CCDC90B: variants seen among roughly 807,000 people sequenced by gnomAD.
The protein encoded by CCDC90B is coiled-coil domain-containing protein 90B, mitochondrial.
A neutral mutation model predicts 37.0 loss-of-function variants in CCDC90B; 24 were observed. That is an observed-to-expected ratio of 0.65 (90% CI 0.47 to 0.91). The LOEUF is 0.91. CCDC90B is among the 40% of genes least tolerant of loss of function. The pLI is 0.00. For synonymous variants in CCDC90B, 113 were observed against 101.1 expected, an observed-to-expected ratio of 1.12 and a Z score of -0.71; for missense variants, 319 against 299.0, an observed-to-expected ratio of 1.07 and a Z score of -0.49.
At chr11:83,274,085 C>T (rs1257923802) in intron 4 of CCDC90B, 93 bp from the exon 5 acceptor site, 10 of 926,608 alleles carry the variant, frequency 1.1e-5, no homozygotes, top group Non-Finnish European at 1.5e-5. Flanking sequence ...AAAATTTGGA[C>T]AATCTATGGA....
rs752293988 is a variant in CCDC90B, at chr11:83,278,839, G to A, written c.221-10C>T. On this transcript the variant is annotated splice_polypyrimidine_tract_variant and intron_variant, in intron 2 of 8. Transcript: ENST00000529689. ...TGTGTTTTGTCAAATCCTGTAGGCA[G>A]CAAATAGGTATTTTATTTTTTTTAA... The A allele has an allele frequency of 1.3e-6, 2 of 1,555,834 alleles. No homozygotes were observed. Among genetic ancestry groups the A allele is most frequent in the Admixed American group, 3.4e-5 (2 of 59,602 alleles).
In CCDC90B at chr11:83,284,236, A is replaced by G. The variant is rs530278711; in HGVS notation, c.100+1637T>C. Among the ~76,000 whole-genome samples the G allele has an allele frequency of 3.0e-4, 45 of 152,374 alleles. No homozygotes were observed. In the South Asian group the frequency reaches 8.5e-3, roughly 29 times the overall value. On this transcript the variant is annotated intron_variant, in intron 1 of 8. Transcript: ENST00000529689. ...AAGGTTTAACCAGTTTCACAAAACT[A>G]CTAAGTCATAGATTGTGGATTGGAA...
At chr11:83,281,567 G>C (rs1865385122) in intron 1 of CCDC90B, among the ~76,000 whole-genome samples, 2 of 152,024 alleles carry the variant, frequency 1.3e-5, no homozygotes, top group South Asian at 4.1e-4. Context: ...ACACATATTA[G>C]TACACTGGTC....
intron 1 of CCDC90B, among the ~76,000 whole-genome samples, chr11:83,280,939 C>G (rs1205005936): frequency 6.6e-6 from 1 of 152,148 alleles, no homozygotes; most frequent in African/African-American, 2.4e-5. Flanking sequence ...ACATAAGAAC[C>G]CTAAGAAAAA....
chr11:83,261,188 T>C lies in CCDC90B; in HGVS notation c.*723A>G, dbSNP rs1398146024. On this transcript the variant is annotated 3_prime_UTR_variant, in exon 9 of 9. Coordinates refer to ENST00000529689, the MANE Select transcript of CCDC90B (RefSeq NM_021825.5). ...ACTGCAAGATTCTCCTGCCTCAGCC[T>C]CCCGAGTAGCTGGAATTACAGGCAT... 2.0e-5 allele frequency: 3 copies of C among 152,154 alleles called. No individual in the cohort carries two copies. The highest frequency in any genetic ancestry group is 2.9e-5 in the Non-Finnish European group (2 of 68,056). The allele number at this position is 152,154 out of a possible 1,614,324, so 9.4% of individuals were successfully genotyped here. A position where few individuals can be genotyped will look rare whatever the true frequency, so the allele number is the denominator to read the frequency against.
In CCDC90B at chr11:83,261,384, T is replaced by C. The variant is rs1487288519; in HGVS notation, c.*527A>G. The C allele has an allele frequency of 1.3e-5, 2 of 152,222 alleles. No homozygotes were observed. The highest frequency in any genetic ancestry group is 6.5e-5 in the Admixed American group (1 of 15,278). 9.4% of individuals were successfully genotyped at this position (152,222 alleles called of 1,614,324 possible). A position where few individuals can be genotyped will look rare whatever the true frequency, so the allele number is the denominator to read the frequency against. On this transcript the variant is annotated 3_prime_UTR_variant, in exon 9 of 9. Transcript: ENST00000529689. ...GCCTGGCCTATCATTTTAAAATTTA[T>C]TGTTTTAGTTCATTACCAAAAAGAA...
chr11:83,285,753 C>G, intron 1 of CCDC90B, 120 bp downstream of exon 1: 1 of 1,469,818 alleles, frequency 6.8e-7, no homozygotes, highest in Non-Finnish European at 9.0e-7. Flanking sequence ...CAGCACAAGG[C>G]GTGAATCCGG....
At chr11:83,272,088 A>G (rs1431863528) in intron 7 of CCDC90B, among the ~76,000 whole-genome samples, 2 of 151,944 alleles carry the variant, frequency 1.3e-5, no homozygotes, top group South Asian at 4.1e-4. Context: ...ATACAGAAAC[A>G]TCACACACTG....
intron 3 of CCDC90B, among the ~76,000 whole-genome samples, chr11:83,276,982 G>A (rs567755980): frequency 1.3e-4 from 20 of 152,136 alleles, no homozygotes; most frequent in Admixed American, 9.2e-4. Flanking sequence ...CTATGACCCT[G>A]AGCCTTAGCT....
At chr11:83,262,784 A>T (rs934171225) in intron 8 of CCDC90B, among the ~76,000 whole-genome samples, 22 of 152,210 alleles carry the variant, frequency 1.4e-4, no homozygotes, top group Non-Finnish European at 2.9e-4. Flanking sequence ...TAATGATAAG[A>T]TCATTTTCTC....
intron 3 of CCDC90B, among the ~76,000 whole-genome samples, chr11:83,276,467 C>T (rs1489208782): frequency 6.6e-6 from 1 of 152,144 alleles, no homozygotes; most frequent in Non-Finnish European, 1.5e-5. Context: ...CGTGCCTCAG[C>T]CTCCTGAGTA....
At chr11:83,279,610 TA>T (rs1210589009) in intron 2 of CCDC90B, among the ~76,000 whole-genome samples, 3 of 152,184 alleles carry the variant, frequency 2.0e-5, no homozygotes, top group Admixed American at 6.5e-5. Context: ...TAGTTTTCAA[TA>T]AGGGGATCTA....
At chr11:83,265,768 A>C (rs1022221167) in intron 8 of CCDC90B, 97 bp downstream of exon 8, 1 of 701,324 alleles carries the variant, frequency 1.4e-6, no homozygotes, top group Non-Finnish European at 2.5e-6. Flanking sequence ...CTTGTTATCT[A>C]GCTCCTCCTT....
In CCDC90B at chr11:83,280,173, G is replaced by A; in HGVS notation, c.188C>T (p.Thr63Ile). Residue 63 changes from threonine to isoleucine, a missense_variant, in exon 2 of 9, where the codon ACC (threonine) becomes ATC (isoleucine). Transcript: ENST00000529689. Reference sequence around the variant, plus strand: ...TTCCAAGTCCTGAACCAATGCATGGGTATCAAAAGTTAATTTCCTTTGTTC... The same window carrying A: ...TTCCAAGTCCTGAACCAATGCATGGATATCAAAAGTTAATTTCCTTTGTTC... ...PLEQRKLTFD[T>I]HALVQDLETH... 1 of 1,612,560 alleles carries A rather than the reference G, an allele frequency of 6.2e-7. No homozygotes were observed. The highest frequency in any genetic ancestry group is 8.5e-7 in the Non-Finnish European group (1 of 1,179,760).
intron 1 of CCDC90B, 111 bp from the exon 2 acceptor site, chr11:83,280,371 GT>G: frequency 1.0e-6 from 1 of 953,098 alleles, no homozygotes; most frequent in South Asian, 1.6e-5. Context: ...AGCTCTTCTA[GT>G]TTTGTCATCT....
intron 7 of CCDC90B, among the ~76,000 whole-genome samples, chr11:83,269,162 G>C (rs1417605923): frequency 6.6e-6 from 1 of 152,120 alleles, no homozygotes; most frequent in Admixed American, 6.6e-5. Flanking sequence ...AGAGAAAGCA[G>C]GAAAGATCTA....
At chr11:83,263,526 T>A (rs189755657) in intron 8 of CCDC90B, among the ~76,000 whole-genome samples, 10 of 152,352 alleles carry the variant, frequency 6.6e-5, no homozygotes, top group Admixed American at 4.6e-4. Flanking sequence ...CTGTAAACAT[T>A]AGCTTTCATT....
intron 1 of CCDC90B, among the ~76,000 whole-genome samples, chr11:83,284,849 G>A (rs1005797454): frequency 3.9e-5 from 6 of 152,204 alleles, no homozygotes; most frequent in African/African-American, 1.4e-4. Flanking sequence ...GATGGCAGCT[G>A]GATGACTTCC....
At chr11:83,273,574 A>T (rs1864821997) in intron 7 of CCDC90B, 73 bp downstream of exon 7, 3 of 1,153,196 alleles carry the variant, frequency 2.6e-6, no homozygotes, top group Non-Finnish European at 3.7e-6. Context: ...AAACTTATAA[A>T]CTGGTACACA....
Sources: gnomAD v4.1 joint callset for allele counts (sites outside exome capture counted in the v4.1 genomes callset) on GRCh38, gnomAD v4.1.1 for gene constraint, MANE v1.5 for transcripts, NCBI Gene and HGNC (gene_info 2026-07-23, HGNC 2026-07-21) for gene names.